The following PTK2 variants were observed in gnomAD, a reference collection of about 807,000 sequenced individuals.
The protein encoded by PTK2 is protein tyrosine kinase 2.
Under a neutral mutation model 150.1 loss-of-function variants are expected in PTK2, and 45 were observed. That is an observed-to-expected ratio of 0.30 (90% CI 0.24 to 0.38). The LOEUF is 0.38. Among genes scored for constraint, PTK2 ranks in the 10% least tolerant of loss-of-function variants. PTK2 has a pLI of 1.00. For synonymous variants in PTK2, 432 were observed against 449.2 expected (o/e 0.96, Z 0.48); for missense variants, 919 against 1,307.3 (o/e 0.70, Z 4.58).
chr8:140,980,498 T>G (rs1471392390), intron 1 of PTK2, among the ~76,000 whole-genome samples: 1 of 151,826 alleles, frequency 6.6e-6, no homozygotes, highest in Non-Finnish European at 1.5e-5. Context: ...GGTGGGCGCC[T>G]GTAGTCCCAG....
intron 22 of PTK2, among the ~76,000 whole-genome samples, chr8:140,721,003 C>T (rs917795029): frequency 2.6e-5 from 4 of 152,142 alleles, no homozygotes; most frequent in African/African-American, 4.8e-5. Context: ...GTGATCCGCC[C>T]GCCTTGGCCT....
At chr8:140,989,542 AAG>A (rs1305184728) in intron 1 of PTK2, among the ~76,000 whole-genome samples, 2 of 150,794 alleles carry the variant, frequency 1.3e-5, no homozygotes, top group African/African-American at 5.0e-5. Flanking sequence ...AAAAAAAAAA[AAG>A]AAGACCTAAT....
chr8:140,888,961 ATG>A (rs2100153281), intron 3 of PTK2, among the ~76,000 whole-genome samples: 1 of 152,220 alleles, frequency 6.6e-6, no homozygotes, highest in African/African-American at 2.4e-5. Flanking sequence ...TTTTTCCAGT[ATG>A]AATTATCTGA....
chr8:140,784,427 A>G (rs1258202177), intron 14 of PTK2, among the ~76,000 whole-genome samples: 1 of 152,126 alleles, frequency 6.6e-6, no homozygotes, highest in Non-Finnish European at 1.5e-5. Flanking sequence ...TTATTTTAGA[A>G]AAGAAAAAGA....
At chr8:140,971,697 T>C (rs2100187334) in intron 1 of PTK2, among the ~76,000 whole-genome samples, 1 of 152,228 alleles carries the variant, frequency 6.6e-6, no homozygotes, top group African/African-American at 2.4e-5. Context: ...GAATCACAAG[T>C]TGCATTAAGC....
At chr8:140,804,428 G>GA (rs879737232) in intron 10 of PTK2, among the ~76,000 whole-genome samples, 2,465 of 141,002 alleles carry the variant, frequency 0.017, 32 homozygotes, top group Admixed American at 0.032. Flanking sequence ...TCTACCAAAA[G>GA]AAAAAAAAAA....
At chr8:140,737,987 A>G (rs2100053562) in intron 21 of PTK2, among the ~76,000 whole-genome samples, 1 of 152,246 alleles carries the variant, frequency 6.6e-6, no homozygotes, top group Admixed American at 6.5e-5. Flanking sequence ...ATTAAATGAT[A>G]ATTAAGAATC....
At chr8:140,987,439 C>T (rs1036462912) in intron 1 of PTK2, among the ~76,000 whole-genome samples, 1 of 152,152 alleles carries the variant, frequency 6.6e-6, no homozygotes, top group African/African-American at 2.4e-5. Context: ...CCTCGGCCTC[C>T]CAAAGTGCTG....
At chr8:140,680,757 T>C (rs1010883859) in intron 27 of PTK2, among the ~76,000 whole-genome samples, 2 of 152,188 alleles carry the variant, frequency 1.3e-5, no homozygotes, top group African/African-American at 2.4e-5. Context: ...GCTCAGTGTA[T>C]GGGAATGTTA....
chr8:140,758,313 T>C (rs1240421941), intron 16 of PTK2, among the ~76,000 whole-genome samples: 2 of 152,318 alleles, frequency 1.3e-5, no homozygotes, highest in South Asian at 4.1e-4. Flanking sequence ...GGTATTGAAC[T>C]CCTGGGTTCG....
chr8:140,863,293 T>C (rs957125861), intron 5 of PTK2, among the ~76,000 whole-genome samples: 36 of 152,186 alleles, frequency 2.4e-4, no homozygotes, highest in African/African-American at 7.2e-4. Flanking sequence ...GCCAGAATGA[T>C]TGAAGAGCCT....
At chr8:140,732,233 GGCCTATTTGGTA>G (rs1321352737) in intron 22 of PTK2, among the ~76,000 whole-genome samples, 1 of 152,026 alleles carries the variant, frequency 6.6e-6, no homozygotes, top group African/African-American at 2.4e-5. Context: ...ATAAAATGGT[GGCCTATTTGGTA>G]GCCTAATTGT....
Position 140,984,823 on chromosome 8 carries a change from C to T in PTK2, c.-122+16302G>A, listed in dbSNP as rs144212271. Among the ~76,000 whole-genome samples, 57 of 152,206 alleles carry T rather than the reference C, an allele frequency of 3.7e-4. No individual in the cohort carries two copies. The East Asian group carries it at 9.1e-3, about 24-fold the overall frequency. On this transcript the variant is annotated intron_variant, in intron 1 of 31. Coordinates refer to ENST00000522684, the Ensembl canonical transcript of PTK2. ...TGACTTATCTGAACCCTTCCTCCTCCTAGAGTAATAGACAATAAGGGAATG... is the reference window on the plus strand; with the variant it reads ...TGACTTATCTGAACCCTTCCTCCTCTTAGAGTAATAGACAATAAGGGAATG...
chr8:140,779,260 G>GAA (rs1205584407), intron 14 of PTK2, among the ~76,000 whole-genome samples: 2 of 119,502 alleles, frequency 1.7e-5, no homozygotes, highest in Non-Finnish European at 1.8e-5. Flanking sequence ...AAAAAAAAAA[G>GAA]AAAAAAAAAA....
At chr8:140,897,062 A>G (rs2100156590) in intron 2 of PTK2, among the ~76,000 whole-genome samples, 3 of 152,204 alleles carry the variant, frequency 2.0e-5, no homozygotes, top group African/African-American at 7.2e-5. Flanking sequence ...GCTTCCTGGA[A>G]GAAAAGATTA....
At chr8:141,001,553 G>A (rs2100200270), upstream of PTK2, among the ~76,000 whole-genome samples, 1 of 152,102 alleles carries the variant, frequency 6.6e-6, no homozygotes, top group Admixed American at 6.5e-5. Flanking sequence ...GGGGGTGGCC[G>A]GGGTCGCCCC....
At chr8:140,796,396 C>T (rs534713883) in intron 12 of PTK2, among the ~76,000 whole-genome samples, 24 of 152,232 alleles carry the variant, frequency 1.6e-4, no homozygotes, top group African/African-American at 5.5e-4. Context: ...CGTTTATTAT[C>T]CCATGAACAT....
chr8:140,935,674 G>A (rs1333081124), intron 1 of PTK2, among the ~76,000 whole-genome samples: 1 of 145,096 alleles, frequency 6.9e-6, no homozygotes, highest in Non-Finnish European at 1.5e-5. Flanking sequence ...CGCTGTTCAT[G>A]TAATCTCAAT....
chr8:140,753,433 CTG>C (rs1289756268), intron 16 of PTK2, among the ~76,000 whole-genome samples: 1 of 152,196 alleles, frequency 6.6e-6, no homozygotes, highest in Non-Finnish European at 1.5e-5. Context: ...GATACTGTGA[CTG>C]GCGTTCAAGA....
Sources: allele counts gnomAD v4.1 joint callset (sites outside exome capture counted in the v4.1 genomes callset), GRCh38; gene constraint gnomAD v4.1.1; transcripts MANE v1.5; gene names NCBI Gene and HGNC (gene_info 2026-07-23, HGNC 2026-07-21).